CACNB3: variants seen among roughly 807,000 people sequenced by gnomAD.
The protein encoded by CACNB3 is voltage-dependent L-type calcium channel subunit beta-3.
CACNB3 carries 36 observed loss-of-function variants against 63.7 expected under a neutral mutation model. The ratio of observed to expected loss-of-function variants is 0.57; its 90% CI spans 0.43 to 0.75. CACNB3 has a LOEUF of 0.75. CACNB3 is among the 30% of genes least tolerant of loss of function. The pLI is 0.00. For missense variants in CACNB3, 493 were observed against 648.6 expected, an observed-to-expected ratio of 0.76 and a Z score of 2.61; for synonymous variants, 241 against 250.6, an observed-to-expected ratio of 0.96 and a Z score of 0.36.
Position 48,826,488 on chromosome 12 carries a change from C to G in CACNB3, c.864C>G (p.Ile288Met). 6.2e-7 allele frequency: 1 copy of G among 1,614,136 alleles called. No individual in the cohort carries two copies. Among genetic ancestry groups the G allele is most frequent in the Non-Finnish European group, 8.5e-7 (1 of 1,180,000 alleles). Residue 288 changes from isoleucine (I) to methionine (M), a missense_variant, in exon 10 of 13, where the codon ATC becomes ATG. Coordinates refer to ENST00000301050, the MANE Select transcript of CACNB3 (RefSeq NM_000725.4). The surrounding 1 kb of genome is among the most constrained non-coding windows in gnomAD (Gnocchi z 4.8). ...TGGCCAAGACCTCGCTGGCCCCCAT[C>G]ATCGTCTTTGTCAAAGTGTCCTCAC... Reference protein sequence around the residue: ...AQLAKTSLAPIIVFVKVSSPK... With the variant: ...AQLAKTSLAPMIVFVKVSSPK...
chr12:48,822,510 C>G (rs1459680797), intron 1 of CACNB3, among the ~76,000 whole-genome samples: 3 of 152,154 alleles, frequency 2.0e-5, no homozygotes, highest in Non-Finnish European at 4.4e-5. Context: ...ACTAGCATAG[C>G]CTTCTTCTAG....
At chr12:48,822,406 A>T (rs1024665652) in intron 1 of CACNB3, among the ~76,000 whole-genome samples, 1 of 151,898 alleles carries the variant, frequency 6.6e-6, no homozygotes, top group Admixed American at 6.6e-5. Flanking sequence ...ATTGCCCAAG[A>T]CCTTTCCTAT....
At position 48,827,255 on chromosome 12, in the gene CACNB3, A is replaced by G. The variant is rs375248077; in HGVS notation, c.1140+132A>G. The G allele has an allele frequency of 1.3e-4, 146 of 1,164,482 alleles. 1 individual carries two copies. In the African/African-American group the frequency reaches 1.9e-3, roughly 15 times the overall value. 72.1% of individuals were successfully genotyped at this position (1,164,482 alleles called of 1,614,324 possible). On this transcript the variant is annotated intron_variant, in intron 12 of 12. Transcript: ENST00000301050. ...TGTAGAACTCTCAGCTCTGCTGTACAGAGCTAGCACAGACGGGCAAAGGAA... is the reference window on the plus strand; with the variant it reads ...TGTAGAACTCTCAGCTCTGCTGTACGGAGCTAGCACAGACGGGCAAAGGAA...
chr12:48,817,118 A>G, upstream of CACNB3: 1 of 566,586 alleles, frequency 1.8e-6, no homozygotes, highest in Non-Finnish European at 2.2e-6. Context: ...CAGGGGCTGC[A>G]ACAAAGTTGT....
chr12:48,823,892 C>A lies in CACNB3; in HGVS notation c.291+89C>A. On this transcript the variant is annotated intron_variant, in intron 3 of 12. Transcript: ENST00000301050. The surrounding 1 kb of genome is among the most constrained non-coding windows in gnomAD (Gnocchi z 4.2). Reference sequence around the variant, plus strand: ...AATGCTTCTGACTTGAATCCTCAGTCTAATTCCCCAAGCTAATCAGCTCTT... The same window carrying A: ...AATGCTTCTGACTTGAATCCTCAGTATAATTCCCCAAGCTAATCAGCTCTT... 1 of 1,538,760 alleles carries A rather than the reference C, an allele frequency of 6.5e-7. No homozygotes were observed. The highest frequency in any genetic ancestry group is 1.2e-5 in the South Asian group (1 of 84,862).
upstream of CACNB3, chr12:48,814,781 G>T: frequency 2.3e-6 from 1 of 426,752 alleles, no homozygotes; most frequent in Non-Finnish European, 4.1e-6. This position sits in a 1 kb window ranked among gnomAD's most constrained non-coding sequence, Gnocchi z 6.9. Context: ...TGGCAGGGCC[G>T]GACCCTGCGG....
rs1174258146 is a variant in CACNB3 at position 48,828,816 on chromosome 12, CAG to C, written c.*918_*919del. 2 of 455,624 alleles carry C rather than the reference CAG, an allele frequency of 4.4e-6. No individual in the cohort carries two copies. Among genetic ancestry groups the C allele is most frequent in the Non-Finnish European group, 8.8e-6 (2 of 226,356 alleles). The allele number at this position is 455,624 out of a possible 1,614,324, so 28.2% of individuals were successfully genotyped here. On this transcript the variant is annotated 3_prime_UTR_variant, in exon 13 of 13. Transcript: ENST00000301050. The stretch of plus-strand genomic sequence containing the variant: ...TAGGTTAGGGTTAGATGGGGAGAGA[CAG>C]GGCACAGAGGACCTGTCTCCCCGGC...
upstream of CACNB3, chr12:48,816,759 C>G: frequency 2.6e-6 from 2 of 755,384 alleles, no homozygotes; most frequent in Non-Finnish European, 3.2e-6. Context: ...TCCGCTGTTA[C>G]CTACAGCCCC....
chr12:48,816,178 T>C (rs944004222), upstream of CACNB3, among the ~76,000 whole-genome samples: 5 of 152,234 alleles, frequency 3.3e-5, no homozygotes, highest in Admixed American at 2.0e-4. Context: ...GACTGGGATC[T>C]GCCCAGCTTC....
rs915761756 is a variant in CACNB3 at position 48,818,516 on chromosome 12, C to A, written c.-414C>A. 18 of 1,007,050 alleles carry A rather than the reference C, an allele frequency of 1.8e-5. No homozygotes were observed. The highest frequency in any genetic ancestry group is 6.0e-5 in the Admixed American group (1 of 16,578). 62.4% of individuals were successfully genotyped at this position (1,007,050 alleles called of 1,614,324 possible). A position where few individuals can be genotyped will look rare whatever the true frequency, so the allele number is the denominator to read the frequency against. On this transcript the variant is annotated 5_prime_UTR_variant, in exon 1 of 13. Coordinates refer to ENST00000301050, the MANE Select transcript of CACNB3 (RefSeq NM_000725.4). The surrounding 1 kb of genome is among the most constrained non-coding windows in gnomAD (Gnocchi z 4.3). The stretch of plus-strand genomic sequence containing the variant: ...CTCCTCCCCTTCCTCCCCGCCGCCA[C>A]GGCCCCGTAGGTGCTCGGGGACCCA...
In CACNB3 at chr12:48,823,633, G is replaced by T; in HGVS notation, c.169-48G>T. 1 of 1,613,640 alleles carries T rather than the reference G, an allele frequency of 6.2e-7. No individual in the cohort carries two copies. Among genetic ancestry groups the T allele is most frequent in the Non-Finnish European group, 8.5e-7 (1 of 1,179,756 alleles). On this transcript the variant is annotated intron_variant, in intron 2 of 12. Coordinates refer to ENST00000301050, the MANE Select transcript of CACNB3 (RefSeq NM_000725.4). The surrounding 1 kb of genome is among the most constrained non-coding windows in gnomAD (Gnocchi z 4.2). ...GCTGTTGGGGCACTGAAGCTGGAAG[G>T]GGTGCTTCGAGCCTTCTCTCACTTG...
chr12:48,815,466 T>G, upstream of CACNB3: 1 of 1,121,160 alleles, frequency 8.9e-7, no homozygotes, highest in Non-Finnish European at 1.2e-6. Context: ...AGCCAGAGAC[T>G]GACAGAGGCG....
intron 1 of CACNB3, among the ~76,000 whole-genome samples, chr12:48,822,050 G>A (rs778516672): frequency 3.9e-5 from 6 of 152,224 alleles, no homozygotes; most frequent in Middle Eastern, 3.4e-3. Context: ...GCTGCCTTCC[G>A]TAGGTGGTCA....
Position 48,828,401 on chromosome 12 carries a change from C to T in CACNB3, c.*502C>T, listed in dbSNP as rs1938263171. On this transcript the variant is annotated 3_prime_UTR_variant, in exon 13 of 13. Transcript: ENST00000301050. ...TCACTGCCATACATTAGAAATGAGA[C>T]AATCAAAGCCCCCCCAGGGTGGCAC... 3.0e-6 allele frequency: 1 copy of T among 329,336 alleles called. No individual in the cohort carries two copies. The highest frequency in any genetic ancestry group is 7.7e-5 in the East Asian group (1 of 12,922). The allele number at this position is 329,336 out of a possible 1,614,324, so 20.4% of individuals were successfully genotyped here.
chr12:48,815,606 G>C, upstream of CACNB3: 1 of 1,532,634 alleles, frequency 6.5e-7, no homozygotes, highest in East Asian at 2.4e-5. Context: ...GGCGGGAGCA[G>C]CGTGCAGAGC....
intron 5 of CACNB3, 83 bp from the exon 6 acceptor site, chr12:48,824,866 C>T: frequency 1.9e-6 from 3 of 1,544,796 alleles, no homozygotes; most frequent in Non-Finnish European, 2.7e-6. Flanking sequence ...AAGCCAGTAT[C>T]TCCCCTGGGG....
In CACNB3 at chr12:48,828,896, C is replaced by A; in HGVS notation, c.*997C>A. On this transcript the variant is annotated 3_prime_UTR_variant, in exon 13 of 13. Coordinates refer to ENST00000301050, the MANE Select transcript of CACNB3 (RefSeq NM_000725.4). ...GACCTACAGAGCATGCTCCACAAGC[C>A]CCTGCCTCACCTCACTGTCATCACT... 2.6e-6 allele frequency: 1 copy of A among 382,814 alleles called. No homozygotes were observed. The highest frequency in any genetic ancestry group is 5.2e-6 in the Non-Finnish European group (1 of 192,368). 23.7% of individuals were successfully genotyped at this position (382,814 alleles called of 1,614,324 possible).
At position 48,818,852 on chromosome 12, in the gene CACNB3, G is replaced by A. The variant is rs1313091685; in HGVS notation, c.-78G>A. 8.3e-6 allele frequency: 12 copies of A among 1,449,844 alleles called. No individual in the cohort carries two copies. The highest frequency in any genetic ancestry group is 5.6e-5 in the South Asian group (4 of 71,284). 89.8% of individuals were successfully genotyped at this position (1,449,844 alleles called of 1,614,324 possible). ...CGGGGCTCGGTGGCATCTCCCGGGC[G>A]CGGCCCGCAGTCCTTGCCCCTGCCT... On this transcript the variant is annotated 5_prime_UTR_variant, in exon 1 of 13. Transcript: ENST00000301050. The surrounding 1 kb of genome is among the most constrained non-coding windows in gnomAD (Gnocchi z 4.3).
chr12:48,814,739 C>T (rs1218368311), upstream of CACNB3, among the ~76,000 whole-genome samples: 2 of 152,152 alleles, frequency 1.3e-5, no homozygotes, highest in Non-Finnish European at 2.9e-5. The surrounding 1 kb of genome is among the most constrained non-coding windows in gnomAD (Gnocchi z 6.9). Flanking sequence ...GGGGTGCGTC[C>T]CCCCTGCTCT....
Sources: allele counts gnomAD v4.1 joint callset (sites outside exome capture counted in the v4.1 genomes callset), GRCh38; gene constraint gnomAD v4.1.1; non-coding constraint Gnocchi (gnomAD v3.1); transcripts MANE v1.5; gene names NCBI Gene and HGNC (gene_info 2026-07-23, HGNC 2026-07-21).